The following TUBB8 variants were observed in gnomAD, a reference collection of about 807,000 sequenced individuals.
TUBB8 encodes the protein tubulin beta-8 chain.
In TUBB8, 25 loss-of-function variants were observed where a neutral mutation model predicts 33.7. The ratio of observed to expected loss-of-function variants is 0.74; its 90% confidence interval spans 0.54 to 1.04. The LOEUF is 1.04. Among genes scored for constraint, TUBB8 ranks in the 50% least tolerant of loss-of-function variants. The pLI is 0.00. For synonymous variants in TUBB8, 245 were observed against 240.1 expected (o/e 1.02, Z -0.19); for missense variants, 279 against 608.0 (o/e 0.46, Z 5.69).
Position 47,558 on chromosome 10 carries a change from G to A in TUBB8, c.834C>T (p.Ser278=). 2 of 1,611,536 alleles carry A rather than the reference G, an allele frequency of 1.2e-6. No homozygotes were observed. The highest frequency in any genetic ancestry group is 8.5e-7 in the Non-Finnish European group (1 of 1,180,012). The stretch of plus-strand genomic sequence containing the variant: ...CCACAGTCAAGGCCCGGTACTGCTG[G>A]CTGCCCCGGCTGGTCAGTGGGGCAA... The part of the protein sequence containing the change: ...PGFAPLTSRG[S]QQYRALTVAE... Residue 278 remains serine, a synonymous_variant, in exon 4 of 4, where the codon AGC becomes AGT. Coordinates refer to ENST00000568584, the MANE Select transcript of TUBB8 (RefSeq NM_177987.3).
At position 48,971 on chromosome 10, in the gene TUBB8, G is replaced by A. The variant is rs565286582; in HGVS notation, c.58-59C>T. ...GCTGAGTCAGGGAGGCGCCCCAGCC[G>A]CTCTCCCACCCCCACCCTCATCCGC... On this transcript the variant is annotated intron_variant, in intron 1 of 3. Transcript: ENST00000568584. The A allele has an allele frequency of 2.7e-3, 3,554 of 1,318,816 alleles. 17 individuals carry two copies. The highest frequency in any genetic ancestry group is 9.5e-3 in the Middle Eastern group (37 of 3,888). The allele number at this position is 1,318,816 out of a possible 1,614,324, so 81.7% of individuals were successfully genotyped here. A position where few individuals can be genotyped will look rare whatever the true frequency, so the allele number is the denominator to read the frequency against.
chr10:47,684 G>A lies in TUBB8; in HGVS notation c.708C>T (p.Val236=). The change falls in exon 4 of 4, where the codon GTC becomes GTT. Residue 236 remains valine, a synonymous_variant. Transcript: ENST00000568584. ...GGCCCGGGAAGCGCAGGCACGTGGT[G>A]ACCCCACTCATGGTAGCAGACACCA... The part of the protein sequence containing the change: ...NHLVSATMSG[V]TTCLRFPGQL... 6.2e-7 allele frequency: 1 copy of A among 1,611,528 alleles called. No individual in the cohort carries two copies. The highest frequency in any genetic ancestry group is 8.5e-7 in the Non-Finnish European group (1 of 1,179,606).
At chr10:68,355 CACAA>C (rs1834697808) in intron 1 of TUBB8, among the ~76,000 whole-genome samples, 1 of 152,136 alleles carries the variant, frequency 6.6e-6, no homozygotes, top group Non-Finnish European at 1.5e-5. Context: ...ATATGATGCA[CACAA>C]TACAGATATG....
chr10:49,319 C>G (rs1588273100), upstream of TUBB8: 25 of 1,432,458 alleles, frequency 1.7e-5, 1 homozygote, highest in Non-Finnish European at 2.4e-5. Context: ...CCTCCGCCAA[C>G]GTTTAAATAG....
chr10:70,553 A>T (rs1834723465), intron 1 of TUBB8, among the ~76,000 whole-genome samples: 1 of 152,212 alleles, frequency 6.6e-6, no homozygotes, highest in African/African-American at 2.4e-5. Context: ...ATTAGAAGTC[A>T]AATAAGAGAA....
At chr10:75,167 G>A (rs565407520), upstream of TUBB8, among the ~76,000 whole-genome samples, 1 of 129,090 alleles carries the variant, frequency 7.7e-6, no homozygotes, top group East Asian at 2.3e-4. Context: ...ACAGGCGTGA[G>A]CCACCGCGCC....
At chr10:69,719 A>T (rs1554742062) in intron 1 of TUBB8, among the ~76,000 whole-genome samples, 1 of 152,062 alleles carries the variant, frequency 6.6e-6, no homozygotes, top group Non-Finnish European at 1.5e-5. Flanking sequence ...ACATGGCAAA[A>T]CCTCATCTCT....
upstream of TUBB8, among the ~76,000 whole-genome samples, chr10:51,250 A>G (rs1457968156): frequency 2.0e-5 from 3 of 152,082 alleles, no homozygotes; most frequent in African/African-American, 7.2e-5. Flanking sequence ...CTGGGATTAC[A>G]GGCGCCCACC....
At chr10:61,963 T>C (rs1418364133) in intron 1 of TUBB8, among the ~76,000 whole-genome samples, 1 of 151,302 alleles carries the variant, frequency 6.6e-6, no homozygotes, top group Non-Finnish European at 1.5e-5. Context: ...TCCATCGTTT[T>C]ATTTTCAGTC....
At chr10:59,422 C>G (rs1341006071) in intron 1 of TUBB8, among the ~76,000 whole-genome samples, 1 of 152,202 alleles carries the variant, frequency 6.6e-6, no homozygotes, top group Non-Finnish European at 1.5e-5. Context: ...CTCCTGAACT[C>G]AGGTGATCCA....
At chr10:49,507 C>A, upstream of TUBB8, 1 of 662,032 alleles carries the variant, frequency 1.5e-6, no homozygotes, top group South Asian at 1.5e-5. Context: ...AACTTCCTCC[C>A]GCGTCTTTAG....
chr10:50,450 G>A (rs1350467247), upstream of TUBB8, among the ~76,000 whole-genome samples: 5 of 151,998 alleles, frequency 3.3e-5, no homozygotes, highest in Admixed American at 2.0e-4. Context: ...TGACCAGCAC[G>A]CCCACAAGCT....
At chr10:76,139 C>CAAAAAA (rs71374333), upstream of TUBB8, among the ~76,000 whole-genome samples, 1 of 73,360 alleles carries the variant, frequency 1.4e-5, no homozygotes, top group African/African-American at 6.4e-5. Flanking sequence ...AACTCCGTCT[C>CAAAAAA]AAAAAAAAAA....
chr10:59,740 G>A (rs377152685), intron 1 of TUBB8, among the ~76,000 whole-genome samples: 12,030 of 110,290 alleles, frequency 0.11, no homozygotes, highest in African/African-American at 0.23. Flanking sequence ...GTTTGGAAAT[G>A]TTCTTTCCTT....
intron 1 of TUBB8, among the ~76,000 whole-genome samples, chr10:73,047 A>G (rs1404010970): frequency 6.6e-6 from 1 of 152,212 alleles, no homozygotes; most frequent in Non-Finnish European, 1.5e-5. Context: ...GATATAGTTA[A>G]TACATTTCAA....
At position 47,482 on chromosome 10, in the gene TUBB8, C is replaced by T. The variant is rs782023635; in HGVS notation, c.910G>A (p.Asp304Asn). The T allele has an allele frequency of 2.5e-6, 4 of 1,612,274 alleles. No homozygotes were observed. The change falls in exon 4 of 4, where the codon GAC becomes AAC. Residue 304 changes from aspartate (D) to asparagine (N), a missense_variant. By Grantham distance (23) the Asp-to-Asn change is conservative. Transcript: ENST00000568584. Reference sequence around the variant, plus strand: ...GTTAGGTAGCGGCCGTGACGGGGGTCACAGGCAGCCATCATGTTCTTAGCA... The same window carrying T: ...GTTAGGTAGCGGCCGTGACGGGGGTTACAGGCAGCCATCATGTTCTTAGCA... ...FDAKNMMAACDPRHGRYLTAA... is the reference protein window; with the variant it reads ...FDAKNMMAACNPRHGRYLTAA...
At chr10:58,639 C>A (rs1200741129) in intron 1 of TUBB8, among the ~76,000 whole-genome samples, 2 of 151,730 alleles carry the variant, frequency 1.3e-5, no homozygotes, top group Admixed American at 1.3e-4. Context: ...GGGCGAGTTA[C>A]ACACTTTTAA....
intron 1 of TUBB8, among the ~76,000 whole-genome samples, chr10:72,142 T>C (rs1834745016): frequency 6.6e-6 from 1 of 151,272 alleles, no homozygotes; most frequent in South Asian, 2.1e-4. Flanking sequence ...GGAGAATTGC[T>C]TGAACCCAGG....
Position 48,598 on chromosome 10 carries a change from C to T in TUBB8, c.277+17G>A, listed in dbSNP as rs189409193. 5.1e-3 allele frequency: 8,228 copies of T among 1,605,034 alleles called. 28 individuals carry two copies. The highest frequency in any genetic ancestry group is 6.2e-3 in the Non-Finnish European group (7,248 of 1,172,860). ...CCTGGCTAAGGAGCCGCACCCCAGT[C>T]CTCGCCCGCAGCTCACCGAAGATGA... On this transcript the variant is annotated intron_variant, in intron 3 of 3. Transcript: ENST00000568584.
Sources: allele counts gnomAD v4.1 joint callset (sites outside exome capture counted in the v4.1 genomes callset), GRCh38; gene constraint gnomAD v4.1.1; transcripts MANE v1.5; gene names NCBI Gene and HGNC (gene_info 2026-07-23, HGNC 2026-07-21).